Variants in NDC1 observed in about 807,000 individuals in gnomAD.
The protein encoded by NDC1 is NDC1 transmembrane nucleoporin, also known as nucleoporin NDC1.
A neutral mutation model predicts 89.8 loss-of-function variants in NDC1; 24 were observed. The ratio of observed to expected loss-of-function variants is 0.27; its 90% CI spans 0.19 to 0.38. The LOEUF is 0.38. Among genes scored for constraint, NDC1 ranks in the 10% least tolerant of loss-of-function variants. The pLI is 1.00. For missense variants in NDC1, 728 were observed against 797.6 expected (o/e 0.91, Z 1.05); for synonymous variants, 296 against 284.8 (o/e 1.04, Z -0.39).
chr1:53,838,077 C>A, intron 1 of NDC1, 128 bp downstream of exon 1: 2 of 820,550 alleles, frequency 2.4e-6, no homozygotes, highest in Non-Finnish European at 3.8e-6. Flanking sequence ...CCAAGTGGTG[C>A]CTTCCCCACG....
At chr1:53,770,177 A>C (rs1181198) in intron 17 of NDC1, among the ~76,000 whole-genome samples, 1 of 152,174 alleles carries the variant, frequency 6.6e-6, no homozygotes, top group Non-Finnish European at 1.5e-5. Flanking sequence ...TCATTCTCAC[A>C]ATTTTTATTT....
intron 16 of NDC1, among the ~76,000 whole-genome samples, chr1:53,781,049 TC>T (rs532015590): frequency 1.0e-3 from 155 of 152,146 alleles, no homozygotes; most frequent in African/African-American, 3.6e-3. Context: ...ATAGACACTG[TC>T]TCACTATGTT....
At chr1:53,824,571 G>C (rs896541886) in intron 5 of NDC1, among the ~76,000 whole-genome samples, 5 of 152,202 alleles carry the variant, frequency 3.3e-5, no homozygotes, top group African/African-American at 1.2e-4. Flanking sequence ...CATGAATGAA[G>C]CAAGTAATAG....
At chr1:53,815,680 T>C (rs925518216) in intron 6 of NDC1, among the ~76,000 whole-genome samples, 4 of 152,228 alleles carry the variant, frequency 2.6e-5, no homozygotes, top group Non-Finnish European at 5.9e-5. Flanking sequence ...TTGCTGATGA[T>C]ATGATCGTTT....
Position 53,819,041 on chromosome 1 carries a change from T to C in NDC1, c.633A>G (p.Leu211=). The part of the protein sequence containing the change: ...KFLRFRRSLL[L]LVKHSCVESL... ...ATTCCACACAACTGTGTTTAACTAA[T>C]AAGAGCAGAGATCTCCTAAAACGCA... The change falls in exon 6 of 18, where the codon TTA becomes TTG. Residue 211 remains leucine, a synonymous_variant. Coordinates refer to ENST00000371429, the MANE Select transcript of NDC1 (RefSeq NM_018087.5). 6.3e-7 allele frequency: 1 copy of C among 1,581,836 alleles called. No homozygotes were observed. The highest frequency in any genetic ancestry group is 2.3e-5 in the East Asian group (1 of 44,382).
chr1:53,830,938 T>C (rs771844794), intron 3 of NDC1, among the ~76,000 whole-genome samples: 7 of 150,506 alleles, frequency 4.7e-5, no homozygotes, highest in Non-Finnish European at 7.4e-5. Context: ...AAATAATAAA[T>C]AGGCCAAGCA....
At chr1:53,784,958 CAA>C (rs796390220) in intron 16 of NDC1, among the ~76,000 whole-genome samples, 4 of 131,354 alleles carry the variant, frequency 3.0e-5, no homozygotes, top group Non-Finnish European at 4.9e-5. Flanking sequence ...GACTCAATCT[CAA>C]AAAAAAAAAA....
At chr1:53,803,521 A>G (rs958173264) in intron 10 of NDC1, among the ~76,000 whole-genome samples, 1 of 152,220 alleles carries the variant, frequency 6.6e-6, no homozygotes, top group African/African-American at 2.4e-5. Flanking sequence ...ACTCATTGAC[A>G]TCTGATATTT....
chr1:53,828,016 G>A lies in NDC1; in HGVS notation c.438C>T (p.Pro146=). The change falls in exon 4 of 18, where the codon CCC becomes CCT. Residue 146 remains proline (P), a synonymous_variant. Coordinates refer to ENST00000371429, the MANE Select transcript of NDC1 (RefSeq NM_018087.5). The part of the protein sequence containing the change: ...TQGQYSFLVV[P]CTGTNSFGSP... The stretch of plus-strand genomic sequence containing the variant: ...AATATTACCTGTTAGTACCAGTGCA[G>A]GGAACCACAAGAAAGCTGTACTGGC... 1 of 1,612,316 alleles carries A rather than the reference G, an allele frequency of 6.2e-7. No individual in the cohort carries two copies. The highest frequency in any genetic ancestry group is 1.7e-4 in the Middle Eastern group (1 of 6,060).
At chr1:53,782,189 G>C (rs1483498565) in intron 16 of NDC1, among the ~76,000 whole-genome samples, 1 of 152,190 alleles carries the variant, frequency 6.6e-6, no homozygotes, top group East Asian at 1.9e-4. Context: ...TTTGGTGGGA[G>C]GCAGAGACTG....
chr1:53,785,311 C>T (rs967681627), intron 16 of NDC1, among the ~76,000 whole-genome samples: 7 of 152,164 alleles, frequency 4.6e-5, no homozygotes, highest in African/African-American at 9.7e-5. Flanking sequence ...CATGGTCATC[C>T]TATTGTGCAG....
chr1:53,804,906 A>G (rs1648051504), intron 9 of NDC1, among the ~76,000 whole-genome samples: 1 of 152,044 alleles, frequency 6.6e-6, no homozygotes, highest in Non-Finnish European at 1.5e-5. Context: ...AAGAGGTCCC[A>G]ATGTATTTGC....
rs184864147 is a variant in NDC1 at position 53,767,201 on chromosome 1, G to T, written c.*769C>A. ...CACTTAATGTTTTGCTCCAGAAAAA[G>T]AAAGCAAAACTAGCTGGGAAAATAC... On this transcript the variant is annotated 3_prime_UTR_variant, in exon 18 of 18. Transcript: ENST00000371429. The T allele has an allele frequency of 4.1e-4, 63 of 152,182 alleles. No individual in the cohort carries two copies. The highest frequency in any genetic ancestry group is 1.9e-4 in the Non-Finnish European group (13 of 67,968). 9.4% of individuals were successfully genotyped at this position (152,182 alleles called of 1,614,324 possible). A position where few individuals can be genotyped will look rare whatever the true frequency, so the allele number is the denominator to read the frequency against.
At chr1:53,825,386 C>T (rs1335005028) in intron 5 of NDC1, among the ~76,000 whole-genome samples, 3 of 147,428 alleles carry the variant, frequency 2.0e-5, no homozygotes, top group South Asian at 4.2e-4. Flanking sequence ...ACCCAGGAGG[C>T]GGAGGTTGCA....
intron 6 of NDC1, among the ~76,000 whole-genome samples, chr1:53,811,199 G>A (rs1198278311): frequency 6.6e-6 from 1 of 152,214 alleles, no homozygotes; most frequent in Non-Finnish European, 1.5e-5. Flanking sequence ...GAGGAGCAGG[G>A]AGTAAAACTC....
chr1:53,829,507 T>C (rs1044137702), intron 3 of NDC1, among the ~76,000 whole-genome samples: 2 of 152,374 alleles, frequency 1.3e-5, no homozygotes, highest in Middle Eastern at 6.8e-3. Context: ...GTGGTGCTCC[T>C]ATACAAGCTC....
intron 1 of NDC1, among the ~76,000 whole-genome samples, chr1:53,835,846 T>A (rs1649215657): frequency 6.6e-6 from 1 of 152,206 alleles, no homozygotes; most frequent in Non-Finnish European, 1.5e-5. Context: ...TATCATACTT[T>A]GTATGAGGGG....
chr1:53,788,733 A>G (rs919948115), intron 15 of NDC1, among the ~76,000 whole-genome samples: 2 of 151,852 alleles, frequency 1.3e-5, no homozygotes, highest in Non-Finnish European at 2.9e-5. Flanking sequence ...GGCCCACAAA[A>G]AAGTTTTTAA....
chr1:53,825,877 G>C lies in NDC1; in HGVS notation c.515C>G (p.Thr172Ser). The change falls in exon 5 of 18, where the codon ACT becomes AGT. Residue 172 changes from threonine (T) to serine (S), a missense_variant. Transcript: ENST00000371429. Reference protein sequence around the residue: ...LNEYHLFFLLTGAFMGYSYSL... With the variant: ...LNEYHLFFLLSGAFMGYSYSL... ...ATAGCTATAGCCCATAAATGCTCCA[G>C]TCAGTAGGAAAAAAAGATGATATTC... 1 of 1,610,980 alleles carries C rather than the reference G, an allele frequency of 6.2e-7. No homozygotes were observed. Among genetic ancestry groups the C allele is most frequent in the African/African-American group, 1.3e-5 (1 of 74,926 alleles).
Sources: gnomAD v4.1 joint callset for allele counts (sites outside exome capture counted in the v4.1 genomes callset) on GRCh38, gnomAD v4.1.1 for gene constraint, MANE v1.5 for transcripts, NCBI Gene and HGNC (gene_info 2026-07-23, HGNC 2026-07-21) for gene names.